SLC36A1: variants seen among roughly 807,000 people sequenced by gnomAD.
SLC36A1 encodes the protein proton-coupled amino acid transporter 1.
A neutral mutation model predicts 47.5 loss-of-function variants in SLC36A1; 30 were observed. That is an observed-to-expected ratio of 0.63 (90% CI 0.47 to 0.86). The LOEUF (loss-of-function observed/expected upper bound fraction) is 0.86, where lower values mean the gene tolerates loss of function less well. SLC36A1 is among the 40% of genes least tolerant of loss of function. The pLI is 0.00. For missense variants in SLC36A1, 517 were observed against 606.0 expected (o/e 0.85, Z 1.54); for synonymous variants, 255 against 249.7 (o/e 1.02, Z -0.20).
upstream of SLC36A1, among the ~76,000 whole-genome samples, chr5:151,433,636 T>A (rs141549606): frequency 2.2e-3 from 340 of 151,592 alleles, 1 homozygote; most frequent in African/African-American, 7.7e-3. Flanking sequence ...TGAGGGGAGA[T>A]CAAGAGAGCA....
chr5:151,551,396 G>A, the SLC36A1 span: 3 of 1,547,556 alleles, frequency 1.9e-6, no homozygotes, highest in Non-Finnish European at 1.8e-6. Flanking sequence ...GAAAACCTCT[G>A]TAGCCTCATC....
chr5:151,536,598 T>A, the SLC36A1 span, among the ~76,000 whole-genome samples: 5 of 152,186 alleles, frequency 3.3e-5, no homozygotes, highest in South Asian at 1.0e-3. Context: ...GCCCAGCCTC[T>A]CCTGGCTACT....
At chr5:151,529,401 G>A in the SLC36A1 span, 3 of 1,613,006 alleles carry the variant, frequency 1.9e-6, no homozygotes, top group Non-Finnish European at 2.5e-6. Context: ...CCCTGAAGAA[G>A]CAAGAGGTGA....
the SLC36A1 span, among the ~76,000 whole-genome samples, chr5:151,418,629 A>G: frequency 2.6e-5 from 4 of 152,156 alleles, no homozygotes; most frequent in East Asian, 5.8e-4. Flanking sequence ...CTGTACCACC[A>G]TTGTGTCTAG....
chr5:151,505,753 G>A, the SLC36A1 span: 1 of 1,613,760 alleles, frequency 6.2e-7, no homozygotes, highest in Non-Finnish European at 8.5e-7. Flanking sequence ...GCCAGGCAGG[G>A]CCCTCCCCCT....
chr5:151,523,332 G>C, the SLC36A1 span, among the ~76,000 whole-genome samples: 1 of 151,776 alleles, frequency 6.6e-6, no homozygotes, highest in Non-Finnish European at 1.5e-5. Context: ...CATTATCATA[G>C]ATAAACTATG....
At chr5:151,349,247 A>G in the SLC36A1 span, among the ~76,000 whole-genome samples, 1 of 152,150 alleles carries the variant, frequency 6.6e-6, no homozygotes, top group African/African-American at 2.4e-5. Flanking sequence ...AATTATCTTC[A>G]GGCCTTTTGG....
intron 5 of SLC36A1, among the ~76,000 whole-genome samples, chr5:151,466,184 T>C (rs1756346511): frequency 6.6e-6 from 1 of 152,200 alleles, no homozygotes; most frequent in Non-Finnish European, 1.5e-5. Context: ...TCTTCCGCCC[T>C]CCTTCCCTCC....
the SLC36A1 span, among the ~76,000 whole-genome samples, chr5:151,402,915 C>G: frequency 3.3e-5 from 5 of 151,972 alleles, no homozygotes; most frequent in African/African-American, 1.2e-4. Context: ...ATTAATCTTG[C>G]TAGTGGTCTG....
At chr5:151,360,911 A>T in the SLC36A1 span, among the ~76,000 whole-genome samples, 1 of 152,146 alleles carries the variant, frequency 6.6e-6, no homozygotes, top group African/African-American at 2.4e-5. Flanking sequence ...TTTCTCCAAG[A>T]TCCATATCTT....
the SLC36A1 span, among the ~76,000 whole-genome samples, chr5:151,526,492 A>G: frequency 2.0e-5 from 3 of 152,206 alleles, no homozygotes; most frequent in Non-Finnish European, 4.4e-5. Context: ...TAACATGGGC[A>G]TTTAGTATAC....
the SLC36A1 span, among the ~76,000 whole-genome samples, chr5:151,346,198 A>G: frequency 1.3e-5 from 2 of 152,186 alleles, no homozygotes; most frequent in African/African-American, 4.8e-5. Flanking sequence ...TGACTGAGAA[A>G]ATGCCTCTAC....
At chr5:151,433,018 T>C (rs1759458498), upstream of SLC36A1, among the ~76,000 whole-genome samples, 1 of 151,352 alleles carries the variant, frequency 6.6e-6, no homozygotes, top group African/African-American at 2.4e-5. Flanking sequence ...ATAATAAATA[T>C]GTGTTATGTG....
At chr5:151,495,678 C>A (rs1205937522), downstream of SLC36A1, among the ~76,000 whole-genome samples, 1 of 152,114 alleles carries the variant, frequency 6.6e-6, no homozygotes, top group Non-Finnish European at 1.5e-5. Context: ...CCTTCAGTCC[C>A]CCACATCCCT....
At chr5:151,466,049 A>G (rs1756321684) in intron 5 of SLC36A1, among the ~76,000 whole-genome samples, 1 of 151,746 alleles carries the variant, frequency 6.6e-6, no homozygotes, top group South Asian at 2.1e-4. Context: ...TTATCCTGTG[A>G]TGCAGATTAT....
chr5:151,472,507 C>T (rs1757458574), intron 7 of SLC36A1, among the ~76,000 whole-genome samples: 1 of 152,218 alleles, frequency 6.6e-6, no homozygotes, highest in Admixed American at 6.5e-5. Flanking sequence ...TCACAACCTC[C>T]TTCCTTATAC....
chr5:151,354,636 G>A, the SLC36A1 span, among the ~76,000 whole-genome samples: 1 of 152,168 alleles, frequency 6.6e-6, no homozygotes, highest in African/African-American at 2.4e-5. Flanking sequence ...GCGGGGTTAG[G>A]GGTCATTTGG....
chr5:151,364,729 C>T, the SLC36A1 span, among the ~76,000 whole-genome samples: 1 of 152,138 alleles, frequency 6.6e-6, no homozygotes, highest in Non-Finnish European at 1.5e-5. Flanking sequence ...AAGGAACTGA[C>T]CCATGTAACT....
At chr5:151,428,850 C>G in the SLC36A1 span, among the ~76,000 whole-genome samples, 2 of 152,346 alleles carry the variant, frequency 1.3e-5, no homozygotes, top group Admixed American at 1.3e-4. Flanking sequence ...CCAGGCTGGT[C>G]TCGAACTCCT....
Sources: allele counts gnomAD v4.1 joint callset (sites outside exome capture counted in the v4.1 genomes callset), GRCh38; gene constraint gnomAD v4.1.1; transcripts MANE v1.5; gene names NCBI Gene and HGNC (gene_info 2026-07-23, HGNC 2026-07-21).